Variants in ZNF385D observed in about 807,000 individuals in gnomAD.
The protein encoded by ZNF385D is zinc finger protein 385D.
In ZNF385D, 15 loss-of-function variants were observed where a neutral mutation model predicts 35.8. The observed-to-expected ratio is 0.42, with a 90% confidence interval of 0.28 to 0.64. ZNF385D has a LOEUF of 0.64. Ranked by LOEUF, ZNF385D falls within the 30% of genes least tolerant of loss-of-function variation. The pLI, the probability that ZNF385D is intolerant of heterozygous loss-of-function variation, is 0.23. For synonymous variants in ZNF385D, 212 were observed against 186.8 expected, an observed-to-expected ratio of 1.13 and a Z score of -1.10; for missense variants, 474 against 494.6, an observed-to-expected ratio of 0.96 and a Z score of 0.39.
chr3:22,133,174 T>A (rs1017533487), intron 3 of ZNF385D, among the ~76,000 whole-genome samples: 1 of 152,172 alleles, frequency 6.6e-6, no homozygotes, highest in Admixed American at 6.6e-5. Context: ...CCTGGAGATA[T>A]AAACAAAGGA....
At chr3:22,045,946 G>C (rs1003868481) in intron 3 of ZNF385D, among the ~76,000 whole-genome samples, 3 of 151,936 alleles carry the variant, frequency 2.0e-5, no homozygotes, top group Admixed American at 6.6e-5. Context: ...GTAGAGCTAG[G>C]GACTATTCAT....
At chr3:21,436,784 A>T in intron 5 of ZNF385D, 186 bp downstream of exon 5, 1 of 606,400 alleles carries the variant, frequency 1.6e-6, no homozygotes, top group East Asian at 2.8e-5. Flanking sequence ...AGCCCTGGAA[A>T]CCACCCCTTG....
At chr3:22,228,958 T>A (rs1177678603) in intron 2 of ZNF385D, among the ~76,000 whole-genome samples, 1 of 152,260 alleles carries the variant, frequency 6.6e-6, no homozygotes, top group South Asian at 2.1e-4. Context: ...ACAGGCTGAA[T>A]GCTGCACTGT....
At chr3:22,059,548 T>TTGG (rs143898852) in intron 3 of ZNF385D, among the ~76,000 whole-genome samples, 5 of 151,982 alleles carry the variant, frequency 3.3e-5, no homozygotes, top group African/African-American at 1.2e-4. Flanking sequence ...TGTGATAGGG[T>TTGG]TGGTGGTGGT....
At chr3:21,863,059 G>C (rs1316859894) in intron 3 of ZNF385D, among the ~76,000 whole-genome samples, 2 of 151,976 alleles carry the variant, frequency 1.3e-5, no homozygotes, top group Non-Finnish European at 2.9e-5. Flanking sequence ...ATAGATATTT[G>C]AAAATACACA....
intron 2 of ZNF385D, among the ~76,000 whole-genome samples, chr3:22,299,990 A>C (rs528715470): frequency 6.6e-6 from 1 of 152,052 alleles, no homozygotes; most frequent in South Asian, 2.1e-4. Flanking sequence ...AAAAGACCCC[A>C]AAGAGCCAAA....
At chr3:21,998,988 A>G (rs1695666326) in intron 3 of ZNF385D, among the ~76,000 whole-genome samples, 1 of 152,154 alleles carries the variant, frequency 6.6e-6, no homozygotes, top group South Asian at 2.1e-4. Flanking sequence ...ACTGGCATCC[A>G]ATTGAGATAG....
At chr3:21,785,032 C>G (rs2071631713) in intron 3 of ZNF385D, among the ~76,000 whole-genome samples, 1 of 152,140 alleles carries the variant, frequency 6.6e-6, no homozygotes, top group East Asian at 1.9e-4. Context: ...TTAGCTCTAA[C>G]ATAGATGCAC....
intron 3 of ZNF385D, among the ~76,000 whole-genome samples, chr3:21,547,424 C>T (rs2062413391): frequency 6.6e-6 from 1 of 151,886 alleles, no homozygotes; most frequent in Non-Finnish European, 1.5e-5. Context: ...CTGTTCTTGC[C>T]TTCAGGACAT....
At position 21,830,181 on chromosome 3, in the gene ZNF385D, T is replaced by C. The variant is rs75334865; in HGVS notation, c.326-165153A>G. ...AGAAAAAGACTTGCATTTAAGCTTCTAATTACTCTAGTAAAAATTCATCTC... is the reference window on the plus strand; with the variant it reads ...AGAAAAAGACTTGCATTTAAGCTTCCAATTACTCTAGTAAAAATTCATCTC... On this transcript the variant is annotated intron_variant, in intron 3 of 5. Transcript: ENST00000494108. Among the ~76,000 whole-genome samples the C allele has an allele frequency of 1.5e-3, 231 of 152,324 alleles. 2 individuals are homozygous for C. The highest frequency in any genetic ancestry group is 2.7e-3 in the Non-Finnish European group (185 of 68,026).
At chr3:21,836,255 C>T (rs185387975) in intron 3 of ZNF385D, among the ~76,000 whole-genome samples, 25 of 152,128 alleles carry the variant, frequency 1.6e-4, no homozygotes, top group African/African-American at 3.4e-4. Flanking sequence ...AATATGGAGG[C>T]GCATTAAATC....
intron 2 of ZNF385D, among the ~76,000 whole-genome samples, chr3:22,254,759 T>C (rs1049258608): frequency 6.6e-6 from 1 of 151,814 alleles, no homozygotes; most frequent in Non-Finnish European, 1.5e-5. Context: ...GGCATGTTAA[T>C]AGTAACCCTT....
chr3:21,476,708 G>C (rs1046651610), intron 4 of ZNF385D, among the ~76,000 whole-genome samples: 1 of 151,882 alleles, frequency 6.6e-6, no homozygotes, highest in Non-Finnish European at 1.5e-5. Flanking sequence ...AATTAAAATA[G>C]AACCTTTCTC....
At chr3:21,953,699 C>T (rs958478301) in intron 3 of ZNF385D, among the ~76,000 whole-genome samples, 1 of 151,926 alleles carries the variant, frequency 6.6e-6, no homozygotes, top group East Asian at 1.9e-4. Flanking sequence ...TCAGCAAATA[C>T]TATAACCAGC....
intron 2 of ZNF385D, among the ~76,000 whole-genome samples, chr3:21,625,017 ACCT>A (rs2065097968): frequency 6.6e-6 from 1 of 152,070 alleles, no homozygotes; most frequent in Admixed American, 6.6e-5. Flanking sequence ...CTCATAATAT[ACCT>A]CCTAACCATC....
chr3:22,291,818 T>C (rs1702315529), intron 2 of ZNF385D, among the ~76,000 whole-genome samples: 1 of 152,108 alleles, frequency 6.6e-6, no homozygotes, highest in Non-Finnish European at 1.5e-5. Flanking sequence ...TATGCATTAC[T>C]ACTCCTTAAA....
chr3:21,856,393 T>C (rs1575785224), intron 3 of ZNF385D, among the ~76,000 whole-genome samples: 2 of 152,170 alleles, frequency 1.3e-5, no homozygotes, highest in East Asian at 3.9e-4. Flanking sequence ...TTCTCGTCTT[T>C]CTGAACCCCT....
At chr3:21,711,285 C>T (rs554496986) in intron 1 of ZNF385D, among the ~76,000 whole-genome samples, 2 of 152,110 alleles carry the variant, frequency 1.3e-5, no homozygotes, top group African/African-American at 2.4e-5. Context: ...TCGTGATCCA[C>T]CCGCCTCGGC....
chr3:21,859,724 G>A (rs1009733262), intron 3 of ZNF385D, among the ~76,000 whole-genome samples: 1 of 149,904 alleles, frequency 6.7e-6, no homozygotes, highest in Non-Finnish European at 1.5e-5. Context: ...TGCTGGAATT[G>A]AAAGATAAGA....
Sources: gnomAD v4.1 joint callset for allele counts (sites outside exome capture counted in the v4.1 genomes callset) on GRCh38, gnomAD v4.1.1 for gene constraint, MANE v1.5 for transcripts, NCBI Gene and HGNC (gene_info 2026-07-23, HGNC 2026-07-21) for gene names.